NCOA3: variants seen among roughly 807,000 people sequenced by gnomAD.
NCOA3 encodes CBP-interacting protein.
NCOA3 carries 51 observed loss-of-function variants against 158.8 expected under a neutral mutation model. The ratio of observed to expected loss-of-function variants is 0.32; its 90% CI spans 0.26 to 0.41. The LOEUF (loss-of-function observed/expected upper bound fraction) is 0.41. Among genes scored for constraint, NCOA3 ranks in the 10% least tolerant of loss-of-function variants. NCOA3 has a pLI of 1.00. For synonymous variants in NCOA3, 537 were observed against 592.4 expected (o/e 0.91, Z 1.36); for missense variants, 1,510 against 1,746.6 (o/e 0.86, Z 2.41).
chr20:47,553,528 C>G (rs1215605679), intron 1 of NCOA3, among the ~76,000 whole-genome samples: 1 of 150,782 alleles, frequency 6.6e-6, no homozygotes, highest in African/African-American at 2.4e-5. Flanking sequence ...AGGTATATCA[C>G]CTAATGCTAT....
chr20:47,585,730 C>CT (rs1238739266), intron 2 of NCOA3, among the ~76,000 whole-genome samples: 5 of 152,138 alleles, frequency 3.3e-5, no homozygotes, highest in Non-Finnish European at 5.9e-5. Context: ...ATGTTGTGCT[C>CT]TAAGTTTTGT....
At chr20:47,630,233 TAAG>T (rs1321219651) in intron 8 of NCOA3, 1 of 152,168 alleles carries the variant, frequency 6.6e-6, no homozygotes, top group Non-Finnish European at 1.5e-5. Flanking sequence ...CTGCTACTAA[TAAG>T]ATTTTTGGTC....
At chr20:47,623,781 C>T (rs2086278438) in intron 3 of NCOA3, 130 bp from the exon 4 acceptor site, 3 of 857,376 alleles carry the variant, frequency 3.5e-6, no homozygotes, top group Non-Finnish European at 5.1e-6. Context: ...AGAGCGAAAA[C>T]TCTGTCTCGA....
chr20:47,622,520 A>G (rs1163446884), intron 3 of NCOA3, among the ~76,000 whole-genome samples, 190 bp downstream of exon 3: 1 of 152,082 alleles, frequency 6.6e-6, no homozygotes, highest in African/African-American at 2.4e-5. Flanking sequence ...TTGCTGATTC[A>G]TATAGAAGGT....
At chr20:47,544,777 A>G (rs1233864831) in intron 1 of NCOA3, among the ~76,000 whole-genome samples, 1 of 152,124 alleles carries the variant, frequency 6.6e-6, no homozygotes, top group Non-Finnish European at 1.5e-5. Context: ...CAATGTTGGA[A>G]CATATAGTCA....
At chr20:47,640,147 T>G in intron 16 of NCOA3, 96 bp downstream of exon 16, 25 of 1,473,830 alleles carry the variant, frequency 1.7e-5, no homozygotes, top group Middle Eastern at 2.2e-4. Context: ...AGAATGAGAA[T>G]TCCCTATAAT....
intron 6 of NCOA3, 76 bp from the exon 7 acceptor site, chr20:47,627,485 C>A (rs2086342170): frequency 1.3e-5 from 15 of 1,161,128 alleles, no homozygotes; most frequent in Non-Finnish European, 1.7e-5. Context: ...TGAGAAAATG[C>A]AGCTTGAATT....
intron 2 of NCOA3, among the ~76,000 whole-genome samples, chr20:47,600,290 TTAGCCTCCCAA>T (rs2085838818): frequency 6.6e-6 from 1 of 151,822 alleles, no homozygotes; most frequent in Non-Finnish European, 1.5e-5. Context: ...TTCTCCTGCC[TTAGCCTCCCAA>T]GTAGCTGGGA....
intron 2 of NCOA3, among the ~76,000 whole-genome samples, chr20:47,586,113 T>G (rs2085532073): frequency 6.6e-6 from 1 of 152,128 alleles, no homozygotes; most frequent in South Asian, 2.1e-4. Flanking sequence ...GAGACGGGGT[T>G]TCACCATGTT....
At chr20:47,642,941 C>T (rs557449229) in intron 17 of NCOA3, among the ~76,000 whole-genome samples, 18 of 152,300 alleles carry the variant, frequency 1.2e-4, no homozygotes, top group South Asian at 4.1e-4. Context: ...ATCGGAGTCT[C>T]GCTCTGTCAA....
intron 1 of NCOA3, among the ~76,000 whole-genome samples, chr20:47,533,567 A>C (rs763604131): frequency 6.6e-6 from 1 of 152,282 alleles, no homozygotes; most frequent in South Asian, 2.1e-4. Flanking sequence ...AATGAACTCT[A>C]TCAGGGTCTT....
intron 1 of NCOA3, among the ~76,000 whole-genome samples, chr20:47,546,745 G>T (rs530541844): frequency 6.6e-6 from 1 of 152,108 alleles, no homozygotes; most frequent in African/African-American, 2.4e-5. Context: ...TGGTCAGGCT[G>T]GTCTTGAACT....
chr20:47,612,359 T>G (rs1006770114), intron 2 of NCOA3, among the ~76,000 whole-genome samples: 3 of 152,204 alleles, frequency 2.0e-5, no homozygotes, highest in Non-Finnish European at 4.4e-5. Flanking sequence ...GTGTAATATG[T>G]AAAATGTTAT....
intron 2 of NCOA3, among the ~76,000 whole-genome samples, chr20:47,598,413 G>A (rs2085799815): frequency 6.6e-6 from 1 of 151,984 alleles, no homozygotes; most frequent in Admixed American, 6.6e-5. Flanking sequence ...TCTGCTCACT[G>A]CAACCTCCAC....
intron 1 of NCOA3, among the ~76,000 whole-genome samples, chr20:47,510,294 A>G (rs746731303): frequency 2.6e-5 from 4 of 151,928 alleles, no homozygotes; most frequent in South Asian, 4.2e-4. Flanking sequence ...TTAGCTGGGC[A>G]TGGTGGCGGG....
chr20:47,559,728 A>G (rs1262147395), intron 1 of NCOA3, among the ~76,000 whole-genome samples: 2 of 152,088 alleles, frequency 1.3e-5, no homozygotes, highest in Non-Finnish European at 2.9e-5. Flanking sequence ...TAAAAATACA[A>G]AAAAATTAGC....
At chr20:47,567,792 A>T (rs2085223377) in intron 1 of NCOA3, among the ~76,000 whole-genome samples, 1 of 151,988 alleles carries the variant, frequency 6.6e-6, no homozygotes, top group Non-Finnish European at 1.5e-5. Context: ...GCTGGTCTCC[A>T]ACTCCTGACC....
Position 47,627,471 on chromosome 20 carries a change from A to G in NCOA3, c.533-90A>G, listed in dbSNP as rs1034526822. ...ATAGATATAACTATGGAAAACATGC[A>G]TAATGAGAAAATGCAGCTTGAATTC... On this transcript the variant is annotated intron_variant, in intron 6 of 22. Coordinates refer to ENST00000371998, the MANE Select transcript of NCOA3 (RefSeq NM_181659.3). The G allele has an allele frequency of 9.9e-6, 10 of 1,013,556 alleles. No individual in the cohort carries two copies. In the South Asian group the frequency reaches 1.4e-4, roughly 14 times the overall value. 62.8% of individuals were successfully genotyped at this position (1,013,556 alleles called of 1,614,324 possible).
chr20:47,641,083 A>G (rs188670985), intron 16 of NCOA3, among the ~76,000 whole-genome samples: 251 of 152,246 alleles, frequency 1.6e-3, no homozygotes, highest in Non-Finnish European at 2.5e-3. Flanking sequence ...TCTCTACTCT[A>G]TATGAATTTA....
Sources: gnomAD v4.1 joint callset for allele counts (sites outside exome capture counted in the v4.1 genomes callset) on GRCh38, gnomAD v4.1.1 for gene constraint, MANE v1.5 for transcripts, NCBI Gene and HGNC (gene_info 2026-07-23, HGNC 2026-07-21) for gene names.